The following INPP4A variants were observed in gnomAD, a reference collection of about 807,000 sequenced individuals.
INPP4A encodes inositol polyphosphate-4-phosphatase, type I, 107kD.
In INPP4A, 33 loss-of-function variants were observed where a neutral mutation model predicts 119.8. The ratio of observed to expected loss-of-function variants is 0.28; its 90% CI spans 0.21 to 0.37. The LOEUF (loss-of-function observed/expected upper bound fraction) is 0.37. INPP4A is among the 10% of genes least tolerant of loss of function. The pLI, the probability that INPP4A is intolerant of heterozygous loss-of-function variation, is 1.00. For synonymous variants in INPP4A, 496 were observed against 500.7 expected (o/e 0.99, Z 0.12); for missense variants, 956 against 1,289.9 (o/e 0.74, Z 3.97).
At chr2:98,462,271 A>T (rs749888610) in intron 1 of INPP4A, among the ~76,000 whole-genome samples, 15 of 152,062 alleles carry the variant, frequency 9.9e-5, no homozygotes, top group South Asian at 2.1e-4. Context: ...ACACAGTGAA[A>T]CCCCATCTCT....
At chr2:98,483,491 T>G (rs190616715) in intron 1 of INPP4A, among the ~76,000 whole-genome samples, 1 of 152,258 alleles carries the variant, frequency 6.6e-6, no homozygotes, top group East Asian at 1.9e-4. Flanking sequence ...TGATGGATCA[T>G]GTTCCCCCCC....
Position 98,543,923 on chromosome 2 carries a change from A to G in INPP4A, c.865A>G (p.Ser289Gly). 4 of 1,611,438 alleles carry G rather than the reference A, an allele frequency of 2.5e-6. No homozygotes were observed. The highest frequency in any genetic ancestry group is 2.2e-5 in the East Asian group (1 of 44,832). Residue 289 changes from serine to glycine, a missense_variant, in exon 11 of 25, where the codon AGC (serine) becomes GGC (glycine). Coordinates refer to ENST00000409851, the MANE Select transcript of INPP4A (RefSeq NM_001134225.2). ...GGGAGAGCTGTCCCCTTGCTGGGAGAGCCTCCGGCGCCAAATTGTCACCCA... is the reference window on the plus strand; with the variant it reads ...GGGAGAGCTGTCCCCTTGCTGGGAGGGCCTCCGGCGCCAAATTGTCACCCA... Reference protein sequence around the residue: ...ELGELSPCWESLRRQIVTQYQ... With the variant: ...ELGELSPCWEGLRRQIVTQYQ...
intron 22 of INPP4A, chr2:98,568,971 T>A (rs1575126199): frequency 1.2e-5 from 3 of 258,276 alleles, no homozygotes; most frequent in Admixed American, 1.0e-4. Context: ...CTGGTAGGAC[T>A]TGGGGGAATC....
In INPP4A at chr2:98,566,159, C is replaced by G. The variant is rs781631598; in HGVS notation, c.2410C>G (p.Leu804Val). ...FNVGINEQQT[L>V]AERFGDTSLQ... Reference sequence around the variant, plus strand: ...CGTGGGCATCAATGAGCAGCAGACACTGGCCGAGAGGTGCGTGCCGGCTCC... The same window carrying G: ...CGTGGGCATCAATGAGCAGCAGACAGTGGCCGAGAGGTGCGTGCCGGCTCC... The change falls in exon 21 of 25, where the codon CTG (leucine) becomes GTG (valine). Residue 804 changes from leucine (L) to valine (V), a missense_variant. Around this residue, in one of 2 missense-constraint regions of INPP4A, gnomAD observed 304 missense variants for 492.1 expected, o/e 0.62. Transcript: ENST00000409851. The surrounding 1 kb of genome is among the most constrained non-coding windows in gnomAD (Gnocchi z 4.2). 2 of 1,593,458 alleles carry G rather than the reference C, an allele frequency of 1.3e-6. No individual in the cohort carries two copies. The highest frequency in any genetic ancestry group is 1.7e-5 in the Admixed American group (1 of 58,420).
chr2:98,482,092 AG>A (rs996836908), intron 1 of INPP4A, among the ~76,000 whole-genome samples: 87 of 152,380 alleles, frequency 5.7e-4, no homozygotes, highest in African/African-American at 2.1e-3. Flanking sequence ...TAGTTGACAG[AG>A]TAAGATCCTG....
Position 98,520,015 on chromosome 2 carries a change from G to T in INPP4A, c.-34G>T. On this transcript the variant is annotated 5_prime_UTR_variant, in exon 3 of 25. It introduces an in-frame stop codon into an upstream open reading frame of the 5' UTR. Transcript: ENST00000409851. Reference sequence around the variant, plus strand: ...CCGGGTAATCAGGCGTGGTCTGACCGAGGATCAAGAAGCACATCATCACCA... The same window carrying T: ...CCGGGTAATCAGGCGTGGTCTGACCTAGGATCAAGAAGCACATCATCACCA... 1 of 1,531,434 alleles carries T rather than the reference G, an allele frequency of 6.5e-7. No homozygotes were observed. The highest frequency in any genetic ancestry group is 8.9e-7 in the Non-Finnish European group (1 of 1,125,920). The allele number at this position is 1,531,434 out of a possible 1,614,324, so 94.9% of individuals were successfully genotyped here. A position where few individuals can be genotyped will look rare whatever the true frequency, so the allele number is the denominator to read the frequency against.
In INPP4A at chr2:98,539,576, G is replaced by A. The variant is rs1239954491; in HGVS notation, c.719G>A (p.Gly240Asp). The A allele has an allele frequency of 6.2e-7, 1 of 1,612,306 alleles. No individual in the cohort carries two copies. The change falls in exon 10 of 25, where the codon GGT becomes GAT. Residue 240 changes from glycine to aspartate, a missense_variant. Physicochemically the swap from Gly to Asp is moderately conservative, Grantham distance 94. Coordinates refer to ENST00000409851, the MANE Select transcript of INPP4A (RefSeq NM_001134225.2). ...CRMYRFPTTD[G>D]NHLRILEQMA... ...ATGTACCGGTTTCCAACCACTGATG[G>A]TAACCATTTGCGGATCCTGGAGCAG...
intron 13 of INPP4A, chr2:98,549,093 T>C (rs1488066049): frequency 7.6e-6 from 6 of 792,428 alleles, no homozygotes; most frequent in Admixed American, 2.7e-5. Context: ...TTCCTAGTTA[T>C]ACACCTCATA....
chr2:98,501,203 G>A (rs979338501), intron 1 of INPP4A, among the ~76,000 whole-genome samples: 2 of 152,194 alleles, frequency 1.3e-5, no homozygotes, highest in Non-Finnish European at 2.9e-5. Context: ...TGTAGTCCCA[G>A]CTGCTCGGGA....
chr2:98,520,621 C>A, intron 3 of INPP4A, 66 bp from the exon 4 acceptor site: 1 of 958,564 alleles, frequency 1.0e-6, no homozygotes, highest in Non-Finnish European at 1.6e-6. Context: ...GTCATTTGTG[C>A]ATTTAATCTG....
chr2:98,555,201 A>G (rs1694227695), intron 15 of INPP4A, among the ~76,000 whole-genome samples: 1 of 151,964 alleles, frequency 6.6e-6, no homozygotes, highest in South Asian at 2.1e-4. Flanking sequence ...GGAGGCCTCC[A>G]TTTTGTCTGT....
chr2:98,502,361 G>T (rs1683286741), intron 1 of INPP4A, among the ~76,000 whole-genome samples: 1 of 152,114 alleles, frequency 6.6e-6, no homozygotes, highest in Admixed American at 6.6e-5. Flanking sequence ...TCTTCCAGTG[G>T]GAGATGGGAA....
intron 4 of INPP4A, among the ~76,000 whole-genome samples, chr2:98,524,472 A>C (rs1687823323): frequency 6.6e-6 from 1 of 152,292 alleles, no homozygotes; most frequent in East Asian, 1.9e-4. Context: ...GGAGGCCAGG[A>C]GAGATTGTCC....
intron 10 of INPP4A, 118 bp downstream of exon 10, chr2:98,539,793 T>C: frequency 7.1e-6 from 7 of 990,500 alleles, no homozygotes; most frequent in Non-Finnish European, 9.9e-6. Context: ...ACACAGCCTC[T>C]CCCCCTGCAG....
intron 24 of INPP4A, among the ~76,000 whole-genome samples, chr2:98,578,053 A>G (rs1172499997): frequency 6.6e-6 from 1 of 152,164 alleles, no homozygotes; most frequent in African/African-American, 2.4e-5. Flanking sequence ...GCCTCTTGAT[A>G]AGTGCATTTT....
chr2:98,520,040 AATGACATC>A lies in INPP4A; in HGVS notation c.-2_6del, dbSNP rs779576754. ...GAGGATCAAGAAGCACATCATCACC[AATGACATC>A]ATGACAGCAAGAGAGCACAGCCCTC... On this transcript the variant is annotated 5_prime_UTR_variant, in exon 3 of 25. It removes an upstream start codon present in the reference 5' UTR. Transcript: ENST00000409851. The A allele has an allele frequency of 6.4e-7, 1 of 1,571,742 alleles. No homozygotes were observed. Among genetic ancestry groups the A allele is most frequent in the East Asian group, 2.3e-5 (1 of 42,716 alleles).
chr2:98,536,433 C>T (rs890492334), intron 7 of INPP4A, among the ~76,000 whole-genome samples: 1 of 151,832 alleles, frequency 6.6e-6, no homozygotes, highest in Non-Finnish European at 1.5e-5. Flanking sequence ...TGTACCAAGC[C>T]CTAAAGGAAG....
At position 98,568,582 on chromosome 2, in the gene INPP4A, C is replaced by T. The variant is rs778972642; in HGVS notation, c.2432C>T (p.Thr811Met). Residue 811 changes from threonine (T) to methionine (M), a missense_variant, in exon 22 of 25, where the codon ACG (threonine) becomes ATG (methionine). Thr to Met is a moderately conservative substitution (Grantham distance 81). Coordinates refer to ENST00000409851, the MANE Select transcript of INPP4A (RefSeq NM_001134225.2). Reference sequence around the variant, plus strand: ...TATAACCTCCCAAGGTTTGGCGATACGTCTTTACAAGAAGTCATCAACGTG... The same window carrying T: ...TATAACCTCCCAAGGTTTGGCGATATGTCTTTACAAGAAGTCATCAACGTG... ...QQTLAERFGDTSLQEVINVES... is the reference protein window; with the variant it reads ...QQTLAERFGDMSLQEVINVES... 14 of 1,590,432 alleles carry T rather than the reference C, an allele frequency of 8.8e-6. No individual in the cohort carries two copies. Among genetic ancestry groups the T allele is most frequent in the South Asian group, 1.1e-5 (1 of 87,656 alleles).
At chr2:98,575,158 G>GCTGGAATATCTTT (rs1698205269) in intron 23 of INPP4A, among the ~76,000 whole-genome samples, 1 of 152,250 alleles carries the variant, frequency 6.6e-6, no homozygotes, top group Admixed American at 6.5e-5. Flanking sequence ...TGGCTGAATA[G>GCTGGAATATCTTT]CTGGAATATC....
Sources: allele counts gnomAD v4.1 joint callset (sites outside exome capture counted in the v4.1 genomes callset), GRCh38; gene constraint gnomAD v4.1.1; regional missense constraint gnomAD v4.1.1; non-coding constraint Gnocchi (gnomAD v3.1); transcripts MANE v1.5; gene names NCBI Gene and HGNC (gene_info 2026-07-23, HGNC 2026-07-21).